Variants in EFCAB5 observed in about 807,000 individuals in gnomAD.
EFCAB5 encodes EF-hand calcium-binding domain-containing protein 5.
In EFCAB5, 131 loss-of-function variants were observed where a neutral mutation model predicts 167.9. The ratio of observed to expected loss-of-function variants is 0.78; its 90% CI spans 0.68 to 0.90. The LOEUF (loss-of-function observed/expected upper bound fraction) is 0.90, where lower values mean the gene tolerates loss of function less well. Ranked by LOEUF, EFCAB5 falls within the 40% of genes least tolerant of loss-of-function variation. EFCAB5 has a pLI of 0.00. For synonymous variants in EFCAB5, 574 were observed against 602.8 expected (o/e 0.95, Z 0.70); for missense variants, 1,663 against 1,745.2 (o/e 0.95, Z 0.84).
intron 14 of EFCAB5, among the ~76,000 whole-genome samples, chr17:30,076,600 G>C (rs778624863): frequency 6.6e-6 from 1 of 152,208 alleles, no homozygotes. Flanking sequence ...AGATGCTATC[G>C]TCTTTCAAGA....
chr17:30,061,451 A>T (rs1425657992), intron 14 of EFCAB5, among the ~76,000 whole-genome samples: 2 of 152,242 alleles, frequency 1.3e-5, no homozygotes, highest in African/African-American at 4.8e-5. Flanking sequence ...CAAGATTTAA[A>T]ATTGGGATTT....
chr17:30,050,932 G>A (rs923524746), intron 8 of EFCAB5, among the ~76,000 whole-genome samples, 186 bp from the exon 9 acceptor site: 4 of 152,094 alleles, frequency 2.6e-5, no homozygotes, highest in African/African-American at 9.7e-5. Flanking sequence ...TCACAGAATG[G>A]GAAAGTAGAG....
chr17:29,983,116 A>G (rs900299255), intron 4 of EFCAB5, among the ~76,000 whole-genome samples: 4 of 152,252 alleles, frequency 2.6e-5, no homozygotes, highest in Non-Finnish European at 5.9e-5. Flanking sequence ...TCTGTTCCAC[A>G]TGGTATCAAT....
rs1217712574 is a variant in EFCAB5 at position 30,078,914 on chromosome 17, C to T, written c.3027+410C>T. On this transcript the variant is annotated intron_variant, in intron 15 of 22. Transcript: ENST00000394835. ...TAAAAGGAACTATTTAAATCATAAA[C>T]TCATTATCGAGTCTGACACCACACA... Among the ~76,000 whole-genome samples, 4 of 152,208 alleles carry T rather than the reference C, an allele frequency of 2.6e-5. No homozygotes were observed. The East Asian group carries it at 7.7e-4, about 29-fold the overall frequency.
intron 6 of EFCAB5, 136 bp from the exon 7 acceptor site, chr17:29,999,765 TATATG>T (rs1297343474): frequency 1.9e-6 from 1 of 515,432 alleles, no homozygotes; most frequent in East Asian, 3.4e-5. Flanking sequence ...GTTACCCAAC[TATATG>T]TAATTCACTT....
intron 3 of EFCAB5, among the ~76,000 whole-genome samples, chr17:29,945,129 C>T (rs541129231): frequency 3.3e-5 from 5 of 152,060 alleles, no homozygotes; most frequent in Non-Finnish European, 5.9e-5. Context: ...TAGTGAAATC[C>T]ATACCACCAG....
At chr17:29,930,545 A>T (rs1434086714) in intron 1 of EFCAB5, among the ~76,000 whole-genome samples, 1 of 151,856 alleles carries the variant, frequency 6.6e-6, no homozygotes, top group Non-Finnish European at 1.5e-5. Flanking sequence ...AACCAACCTT[A>T]AAAAAAAGCA....
At chr17:30,017,875 ATCTT>A (rs1209421322) in intron 7 of EFCAB5, among the ~76,000 whole-genome samples, 1 of 152,110 alleles carries the variant, frequency 6.6e-6, no homozygotes, top group Non-Finnish European at 1.5e-5. Flanking sequence ...TAGTTGATTA[ATCTT>A]AATTCAATAT....
intron 3 of EFCAB5, among the ~76,000 whole-genome samples, chr17:29,953,421 G>A (rs1301910752): frequency 5.9e-5 from 9 of 152,166 alleles, no homozygotes; most frequent in African/African-American, 2.2e-4. Context: ...TTGAATCGTG[G>A]GGAGCAGGTC....
At chr17:30,035,708 T>C (rs1176148484) in intron 8 of EFCAB5, among the ~76,000 whole-genome samples, 3 of 152,170 alleles carry the variant, frequency 2.0e-5, no homozygotes, top group African/African-American at 7.2e-5. Context: ...ATTCTGTTGG[T>C]CTCAACTTCT....
At chr17:30,024,566 C>A (rs1785339089) in intron 7 of EFCAB5, among the ~76,000 whole-genome samples, 1 of 152,042 alleles carries the variant, frequency 6.6e-6, no homozygotes, top group Admixed American at 6.6e-5. Flanking sequence ...ATTCCATGCT[C>A]ATGGGTAGGA....
At chr17:30,016,587 G>C (rs1326068273) in intron 7 of EFCAB5, among the ~76,000 whole-genome samples, 2 of 151,808 alleles carry the variant, frequency 1.3e-5, no homozygotes, top group African/African-American at 4.8e-5. Context: ...ATAAAATTTT[G>C]GTCAAAATTC....
intron 14 of EFCAB5, chr17:30,069,003 G>C: frequency 7.0e-7 from 1 of 1,428,232 alleles, no homozygotes; most frequent in Non-Finnish European, 9.9e-7. Context: ...TACATTCCCA[G>C]CAAGTGAAGG....
chr17:29,932,753 C>T (rs746697145), intron 1 of EFCAB5, among the ~76,000 whole-genome samples: 42 of 152,154 alleles, frequency 2.8e-4, no homozygotes, highest in Non-Finnish European at 1.2e-4. Flanking sequence ...CCCCCGCACC[C>T]GGCCATCATT....
intron 15 of EFCAB5, among the ~76,000 whole-genome samples, chr17:30,079,219 G>A (rs764482346): frequency 6.6e-6 from 1 of 152,124 alleles, no homozygotes; most frequent in Non-Finnish European, 1.5e-5. Context: ...TTGGAAATGG[G>A]GCACCGGGAC....
At chr17:30,010,208 G>C (rs529293251) in intron 7 of EFCAB5, among the ~76,000 whole-genome samples, 1 of 152,118 alleles carries the variant, frequency 6.6e-6, no homozygotes, top group Non-Finnish European at 1.5e-5. Context: ...GTCTATCATT[G>C]ATGGATATTT....
intron 17 of EFCAB5, among the ~76,000 whole-genome samples, chr17:30,082,364 G>A (rs1339625307): frequency 6.8e-6 from 1 of 147,500 alleles, no homozygotes; most frequent in Non-Finnish European, 1.5e-5. Flanking sequence ...GCATAAAAAG[G>A]TATGTGGGTC....
Position 30,078,309 on chromosome 17 carries a change from T to C in EFCAB5, c.2832T>C (p.Ser944=). 6.2e-7 allele frequency: 1 copy of C among 1,614,042 alleles called. No individual in the cohort carries two copies. The highest frequency in any genetic ancestry group is 8.5e-7 in the Non-Finnish European group (1 of 1,179,886). Residue 944 remains serine (S), a synonymous_variant, in exon 15 of 23, where the codon TCT becomes TCC. Coordinates refer to ENST00000394835, the MANE Select transcript of EFCAB5 (RefSeq NM_198529.4). The stretch of plus-strand genomic sequence containing the variant: ...AGAATTACATAGAATTGGTTGTGTC[T>C]GAACTCAGGGGCAATGAAGACCAAG... The part of the protein sequence containing the change: ...QFQNYIELVV[S]ELRGNEDQVL...
At chr17:30,069,464 G>C in intron 14 of EFCAB5, 1 of 1,577,676 alleles carries the variant, frequency 6.3e-7, no homozygotes. Flanking sequence ...ACAGGAAGCT[G>C]AGATTGATGG....
Sources: allele counts gnomAD v4.1 joint callset (sites outside exome capture counted in the v4.1 genomes callset), GRCh38; gene constraint gnomAD v4.1.1; transcripts MANE v1.5; gene names NCBI Gene and HGNC (gene_info 2026-07-23, HGNC 2026-07-21).